The following XPO5 variants were observed in gnomAD, a reference collection of about 807,000 sequenced individuals.
The protein encoded by XPO5 is exportin 5.
In XPO5, 46 loss-of-function variants were observed where a neutral mutation model predicts 160.6. The observed-to-expected ratio is 0.29, with a 90% confidence interval of 0.23 to 0.37. The LOEUF (loss-of-function observed/expected upper bound fraction) is 0.37, where lower values mean the gene tolerates loss of function less well. Among genes scored for constraint, XPO5 ranks in the 10% least tolerant of loss-of-function variants. The pLI is 1.00. For missense variants in XPO5, 1,090 were observed against 1,463.9 expected (o/e 0.74, Z 4.17); for synonymous variants, 537 against 519.3 (o/e 1.03, Z -0.46).
At chr6:43,555,329 G>A (rs1762017021) in intron 13 of XPO5, 1 of 153,540 alleles carries the variant, frequency 6.5e-6, no homozygotes, top group Admixed American at 6.4e-5. Flanking sequence ...TTAACTGGCT[G>A]AGGCATTCGG....
chr6:43,534,241 C>T (rs7751812), intron 20 of XPO5, among the ~76,000 whole-genome samples: 1,696 of 152,226 alleles, frequency 0.011, 22 homozygotes, highest in African/African-American at 0.037. Context: ...GAGAACTAAA[C>T]CCCAAGACAC....
chr6:43,568,624 A>C, intron 6 of XPO5, 87 bp downstream of exon 6: 1 of 1,210,732 alleles, frequency 8.3e-7, no homozygotes, highest in South Asian at 1.7e-5. Flanking sequence ...AACACAAGCA[A>C]GGCTGAGGTC....
chr6:43,551,521 T>C, intron 14 of XPO5, 68 bp from the exon 15 acceptor site: 2 of 1,572,678 alleles, frequency 1.3e-6, no homozygotes, highest in Non-Finnish European at 1.7e-6. Context: ...TTTGGCTACA[T>C]TTTATTTTCA....
intron 5 of XPO5, among the ~76,000 whole-genome samples, chr6:43,570,280 C>T (rs1207191111): frequency 7.1e-6 from 1 of 140,106 alleles, no homozygotes; most frequent in Non-Finnish European, 1.5e-5. Flanking sequence ...CCACTGCACT[C>T]CAGCCTAGGT....
chr6:43,524,665 TG>T lies in XPO5; in HGVS notation c.3313-31del, dbSNP rs765601357. 1.9e-5 allele frequency: 30 copies of T among 1,607,430 alleles called. No homozygotes were observed. The South Asian group carries it at 3.0e-4, about 16-fold the overall frequency. On this transcript the variant is annotated intron_variant, in intron 30 of 31. Transcript: ENST00000265351. Reference sequence around the variant, plus strand: ...TATCAGCAGGGATAAACTTACTGGATGTAGGTTTGGATATTGCCACCCTCCC... The same window carrying T: ...TATCAGCAGGGATAAACTTACTGGATTAGGTTTGGATATTGCCACCCTCCC...
In XPO5 at chr6:43,547,609, C is replaced by T. The variant is rs200463953; in HGVS notation, c.2159G>A (p.Arg720Gln). 9.0e-4 allele frequency: 1,451 copies of T among 1,613,838 alleles called. 2 individuals are homozygous for T. The highest frequency in any genetic ancestry group is 1.2e-3 in the Non-Finnish European group (1,359 of 1,179,828). Residue 720 changes from arginine to glutamine, a missense_variant and splice_region_variant, in exon 19 of 32, where the codon CGA becomes CAA. Arg to Gln is a conservative substitution (Grantham distance 43, BLOSUM62 1). Around this residue, in one of 3 missense-constraint regions of XPO5, gnomAD observed 810 missense variants for 1,139.0 expected, o/e 0.71. Coordinates refer to ENST00000265351, the MANE Select transcript of XPO5 (RefSeq NM_020750.3). ...TTCCCATTCCCAGGAAAGTCTTACT[C>T]GTGCACGGTTTAAGCCACACGGATC... ...LEDPCGLNRARMSFCVYSILG... is the reference protein window; with the variant it reads ...LEDPCGLNRAQMSFCVYSILG...
chr6:43,539,673 GCC>G, intron 20 of XPO5: 1 of 1,000,806 alleles, frequency 1.0e-6, no homozygotes, highest in Non-Finnish European at 1.5e-6. Context: ...GGGCCTCCAG[GCC>G]CCCCCACTGC....
intron 26 of XPO5, 159 bp from the exon 27 acceptor site, chr6:43,526,906 AG>A: frequency 1.4e-6 from 1 of 689,910 alleles, no homozygotes; most frequent in African/African-American, 1.8e-5. Context: ...CAATAGAAAT[AG>A]AGGCATTCTG....
chr6:43,553,955 T>C (rs1036556530), intron 13 of XPO5, among the ~76,000 whole-genome samples: 21 of 152,268 alleles, frequency 1.4e-4, no homozygotes, highest in African/African-American at 4.8e-4. Flanking sequence ...AAGGAAACAA[T>C]GTAATATACA....
chr6:43,572,357 G>T, intron 3 of XPO5, 149 bp downstream of exon 3: 1 of 726,548 alleles, frequency 1.4e-6, no homozygotes, highest in Non-Finnish European at 2.3e-6. Context: ...AATTACAGGT[G>T]TGAGTCACTG....
intron 21 of XPO5, 26 bp from the exon 22 acceptor site, chr6:43,531,601 A>G (rs376098946): frequency 7.2e-5 from 115 of 1,586,594 alleles, no homozygotes; most frequent in Non-Finnish European, 8.8e-5. Flanking sequence ...GGTCAAGAAC[A>G]TGATGCTCCA....
At position 43,573,474 on chromosome 6, in the gene XPO5, C is replaced by G; in HGVS notation, c.227+6G>C. The G allele has an allele frequency of 6.2e-7, 1 of 1,612,770 alleles. No individual in the cohort carries two copies. Among genetic ancestry groups the G allele is most frequent in the Non-Finnish European group, 8.5e-7 (1 of 1,179,108 alleles). ...ACTTCAGTGGTAATGTCCAAGAGCT[C>G]CTTACTTGACAACGTGTTCCAGGAT... On this transcript the variant is annotated splice_donor_region_variant and intron_variant, in intron 2 of 31. Transcript: ENST00000265351.
intron 5 of XPO5, among the ~76,000 whole-genome samples, chr6:43,569,319 T>C (rs540977268): frequency 6.8e-6 from 1 of 146,838 alleles, no homozygotes; most frequent in Non-Finnish European, 1.5e-5. Context: ...CAAAAAAAAA[T>C]ACATATATAT....
intron 20 of XPO5, among the ~76,000 whole-genome samples, chr6:43,535,797 G>A (rs113185283): frequency 0.034 from 4,596 of 135,346 alleles, 233 homozygotes; most frequent in African/African-American, 0.12. Flanking sequence ...CTGTGTGACA[G>A]AGCGAGACTC....
chr6:43,537,123 C>T (rs891261753), intron 20 of XPO5, among the ~76,000 whole-genome samples: 1 of 149,798 alleles, frequency 6.7e-6, no homozygotes, highest in Non-Finnish European at 1.5e-5. Context: ...TGCACCACCA[C>T]ACGTGAATAA....
intron 31 of XPO5, 58 bp from the exon 32 acceptor site, chr6:43,524,063 T>G: frequency 6.3e-7 from 1 of 1,583,628 alleles, no homozygotes; most frequent in Non-Finnish European, 8.5e-7. Flanking sequence ...GTTAAAAGAT[T>G]CTCTTGGCCC....
At chr6:43,562,659 A>C (rs937558102) in intron 8 of XPO5, among the ~76,000 whole-genome samples, 3 of 152,180 alleles carry the variant, frequency 2.0e-5, no homozygotes, top group Non-Finnish European at 2.9e-5. Context: ...AACGAGGCCT[A>C]GGCTTTAGGA....
At position 43,525,101 on chromosome 6, in the gene XPO5, C is replaced by T; in HGVS notation, c.3174+6G>A. On this transcript the variant is annotated splice_donor_region_variant and intron_variant, in intron 29 of 31. Transcript: ENST00000265351. ...AGGGGCAGGGAAAAGGGGTGAATAA[C>T]CATACTTGTTTGAGGAGAGGCCAGC... The T allele has an allele frequency of 1.3e-6, 2 of 1,571,206 alleles. No individual in the cohort carries two copies. The highest frequency in any genetic ancestry group is 1.7e-6 in the Non-Finnish European group (2 of 1,157,676).
chr6:43,575,455 GT>G (rs1363087641), intron 1 of XPO5, among the ~76,000 whole-genome samples: 2 of 152,162 alleles, frequency 1.3e-5, no homozygotes. Flanking sequence ...ATGGGCGAGG[GT>G]CATGTTGCGG....
Sources: gnomAD v4.1 joint callset for allele counts (sites outside exome capture counted in the v4.1 genomes callset) on GRCh38, gnomAD v4.1.1 for gene constraint, gnomAD v4.1.1 regional missense constraint, MANE v1.5 for transcripts, NCBI Gene and HGNC (gene_info 2026-07-23, HGNC 2026-07-21) for gene names.